ZFHX3: variants seen among roughly 807,000 people sequenced by gnomAD.
The protein encoded by ZFHX3 is zinc finger homeobox protein 3.
Under a neutral mutation model 279.1 loss-of-function variants are expected in ZFHX3, and 42 were observed. The observed-to-expected ratio is 0.15, with a 90% CI of 0.12 to 0.19. The LOEUF is 0.19. Among genes scored for constraint, ZFHX3 ranks in the 10% least tolerant of loss-of-function variants. The pLI is 1.00. For missense variants in ZFHX3, 4,981 were observed against 4,754.0 expected (o/e 1.05, Z -1.40); for synonymous variants, 2,293 against 1,957.8 (o/e 1.17, Z -4.52).
At position 73,757,430 on chromosome 16, in the gene ZFHX3, A is replaced by G. The variant is rs1464274885; in HGVS notation, c.-1607-77190T>C. On this transcript the variant is annotated intron_variant, in intron 1 of 17. Transcript: ENST00000641206. ...CAGCTGTGGATGTCAGTACTGCAGC[A>G]ACTTACTCTTTTTCTACAATTCAGT... Among the ~76,000 whole-genome samples the G allele has an allele frequency of 3.3e-5, 5 of 152,364 alleles. No homozygotes were observed. The East Asian group carries it at 9.6e-4, about 29-fold the overall frequency.
chr16:73,561,266 C>G (rs1338839379), intron 2 of ZFHX3, among the ~76,000 whole-genome samples: 2 of 152,116 alleles, frequency 1.3e-5, no homozygotes, highest in African/African-American at 2.4e-5. Context: ...AAGTTTCCAT[C>G]CGTGTGCAGA....
chr16:73,551,003 T>C (rs1193224035), intron 2 of ZFHX3, among the ~76,000 whole-genome samples: 2 of 152,218 alleles, frequency 1.3e-5, no homozygotes, highest in Non-Finnish European at 2.9e-5. Context: ...ACCAAGTCTT[T>C]GTTAACATTC....
intron 3 of ZFHX3, among the ~76,000 whole-genome samples, chr16:73,329,154 T>G (rs920491839): frequency 6.6e-6 from 1 of 152,250 alleles, no homozygotes; most frequent in African/African-American, 2.4e-5. Flanking sequence ...AGAGTAGGTT[T>G]TGCTCTGCTG....
intron 2 of ZFHX3, among the ~76,000 whole-genome samples, chr16:73,520,118 T>C (rs961386044): frequency 2.0e-5 from 3 of 152,186 alleles, no homozygotes; most frequent in African/African-American, 7.2e-5. Flanking sequence ...AAACTCAAGT[T>C]TGAAATAGAA....
At chr16:73,045,262 C>T (rs1401380318) in intron 1 of ZFHX3, among the ~76,000 whole-genome samples, 1 of 152,230 alleles carries the variant, frequency 6.6e-6, no homozygotes, top group Non-Finnish European at 1.5e-5. Flanking sequence ...ACTTTTCCAG[C>T]AGTCTGTAAT....
chr16:73,816,629 TGG>T (rs34986230), intron 1 of ZFHX3, among the ~76,000 whole-genome samples: 1 of 151,540 alleles, frequency 6.6e-6, no homozygotes, highest in South Asian at 2.1e-4. Flanking sequence ...TTAAAAGAGA[TGG>T]GGGGGGAGAG....
At chr16:73,587,145 A>G (rs1412335269) in intron 2 of ZFHX3, among the ~76,000 whole-genome samples, 3 of 152,182 alleles carry the variant, frequency 2.0e-5, no homozygotes, top group African/African-American at 7.2e-5. Context: ...GGCCTGGGAG[A>G]GGCCCAACTC....
rs58283675 is a variant in ZFHX3 at position 73,296,069 on chromosome 16, C to CGTGT, written c.-1194+22167_-1194+22170dup. On this transcript the variant is annotated intron_variant, in intron 4 of 17. Coordinates refer to the ZFHX3 transcript ENST00000641206. ...AGTTCTAGCCCTTTCATTACAATCC[C>CGTGT]GTGTGTGTGTGTGTGTGTGTGTGTG... Among the ~76,000 whole-genome samples, 602 of 149,080 alleles carry CGTGT rather than the reference C, an allele frequency of 4.0e-3. 2 individuals carry two copies. Among genetic ancestry groups the CGTGT allele is most frequent in the South Asian group, 8.8e-3 (41 of 4,664 alleles).
rs558722404 is a variant in ZFHX3 at position 72,787,392 on chromosome 16, C to T, written c.10884G>A (p.Lys3628=). The part of the protein sequence containing the change: ...PQVVSRASAA[K]PPSFPPLSSS... ...AGGAGAGAGGAGGAAAAGAAGGGGG[C>T]TTCGCTGCCGAAGCCCGGGAGACCA... is the stretch of plus-strand genomic sequence containing the variant. The change falls in exon 10 of 10, where the codon AAG becomes AAA. Residue 3628 remains lysine (K), a synonymous_variant. Coordinates refer to ENST00000268489, the MANE Select transcript of ZFHX3 (RefSeq NM_006885.4). The T allele has an allele frequency of 6.2e-6, 10 of 1,603,444 alleles. No individual in the cohort carries two copies. The South Asian group carries it at 1.1e-4, about 18-fold the overall frequency.
At chr16:73,448,838 T>C (rs948039621) in intron 3 of ZFHX3, among the ~76,000 whole-genome samples, 3 of 152,020 alleles carry the variant, frequency 2.0e-5, no homozygotes, top group African/African-American at 7.2e-5. Context: ...TGATCCTGAG[T>C]ATATCTTAAA....
At chr16:73,302,393 G>T (rs916993587) in intron 4 of ZFHX3, among the ~76,000 whole-genome samples, 1 of 151,968 alleles carries the variant, frequency 6.6e-6, no homozygotes, top group Admixed American at 6.6e-5. Context: ...CTCTCAAATT[G>T]CCCCCAGAGC....
chr16:73,396,616 A>C (rs1384677673), intron 3 of ZFHX3, among the ~76,000 whole-genome samples: 1 of 152,186 alleles, frequency 6.6e-6, no homozygotes, highest in African/African-American at 2.4e-5. Flanking sequence ...CTTATATGGC[A>C]GCAGGAGAGA....
At chr16:73,149,911 A>G (rs1000372332) in intron 5 of ZFHX3, among the ~76,000 whole-genome samples, 1 of 152,158 alleles carries the variant, frequency 6.6e-6, no homozygotes, top group Non-Finnish European at 1.5e-5. Flanking sequence ...TTGGAGGCCC[A>G]AGTTCTCAGA....
At chr16:73,104,422 G>T (rs145897550) in intron 7 of ZFHX3, among the ~76,000 whole-genome samples, 2 of 152,098 alleles carry the variant, frequency 1.3e-5, no homozygotes, top group Admixed American at 1.3e-4. Flanking sequence ...GTAGAGACAG[G>T]GTTTCACCAT....
intron 4 of ZFHX3, chr16:73,318,235 C>T (rs879647103): frequency 7.2e-5 from 11 of 151,994 alleles, no homozygotes; most frequent in Non-Finnish European, 1.5e-4. Context: ...ATATCAGAGC[C>T]CTACCTGCTG....
chr16:73,217,423 C>T (rs570523766), intron 5 of ZFHX3, among the ~76,000 whole-genome samples: 5 of 152,260 alleles, frequency 3.3e-5, no homozygotes, highest in Admixed American at 3.3e-4. Context: ...TCAGGTCACA[C>T]TGGCCCACAG....
chr16:73,275,204 T>C (rs1360396892), intron 4 of ZFHX3, among the ~76,000 whole-genome samples: 2 of 152,208 alleles, frequency 1.3e-5, no homozygotes, highest in Admixed American at 6.5e-5. Context: ...TTCTGGCCCA[T>C]AGGGAAATCT....
chr16:73,719,528 A>G (rs535932640), intron 1 of ZFHX3, among the ~76,000 whole-genome samples: 43 of 152,372 alleles, frequency 2.8e-4, no homozygotes, highest in Non-Finnish European at 2.9e-5. Flanking sequence ...TGCTACTATT[A>G]TAAGACTCTT....
intron 3 of ZFHX3, among the ~76,000 whole-genome samples, chr16:72,901,787 C>T (rs4788480): frequency 0.27 from 41,400 of 152,106 alleles, 6,418 homozygotes; most frequent in East Asian, 0.65. Flanking sequence ...GCAGAACGGA[C>T]GGCCACGTGG....
Sources: allele counts gnomAD v4.1 joint callset (sites outside exome capture counted in the v4.1 genomes callset), GRCh38; gene constraint gnomAD v4.1.1; transcripts MANE v1.5; gene names NCBI Gene and HGNC (gene_info 2026-07-23, HGNC 2026-07-21).